C19orf18: variants seen among roughly 807,000 people sequenced by gnomAD.
The protein encoded by C19orf18 is uncharacterized protein C19orf18.
C19orf18 carries 21 observed loss-of-function variants against 23.3 expected under a neutral mutation model. The observed-to-expected ratio is 0.90, with a 90% CI of 0.64 to 1.30. C19orf18 has a LOEUF of 1.30. C19orf18 is among the 50% of genes most tolerant of loss of function. C19orf18 has a pLI of 0.00. For missense variants in C19orf18, 249 were observed against 259.6 expected (o/e 0.96, Z 0.28); for synonymous variants, 96 against 95.2 (o/e 1.01, Z -0.05).
Position 57,966,532 on chromosome 19 carries a change from T to A in C19orf18, c.369A>T (p.Ile123=). The change falls in exon 4 of 6, where the codon ATA becomes ATT. Residue 123 remains isoleucine, a splice_region_variant and synonymous_variant. Transcript: ENST00000314391. ...GATATTACTTAGCAGATACTTACTA[T>A]ATCATATAGGAGATTGCCATCCCAC... ...LICGMAISYM[I]YRLAQAEERQ... is the part of the protein sequence containing the mutation. 1 of 1,580,986 alleles carries A rather than the reference T, an allele frequency of 6.3e-7. No individual in the cohort carries two copies. Among genetic ancestry groups the A allele is most frequent in the Non-Finnish European group, 8.7e-7 (1 of 1,151,360 alleles).
chr19:57,963,398 G>A (rs1376374349), intron 4 of C19orf18, among the ~76,000 whole-genome samples: 1 of 152,036 alleles, frequency 6.6e-6, no homozygotes, highest in Non-Finnish European at 1.5e-5. Context: ...CAAATATCAA[G>A]ATTGTAAACA....
chr19:57,972,512 G>C lies in C19orf18; in HGVS notation c.227-8C>G. ...GGTTCGTAGGGGATGCAGCTAAAAG[G>C]CCATCAAAGGGGATCAAAAAGAAGA... is the stretch of plus-strand genomic sequence containing the variant. On this transcript the variant is annotated splice_region_variant and splice_polypyrimidine_tract_variant and intron_variant, in intron 2 of 5. Coordinates refer to ENST00000314391, the MANE Select transcript of C19orf18 (RefSeq NM_152474.5). 6.2e-7 allele frequency: 1 copy of C among 1,613,858 alleles called. No homozygotes were observed. The highest frequency in any genetic ancestry group is 1.7e-5 in the Admixed American group (1 of 59,988).
chr19:57,972,665 G>A (rs1160659042), intron 2 of C19orf18, among the ~76,000 whole-genome samples, 161 bp from the exon 3 acceptor site: 1 of 152,198 alleles, frequency 6.6e-6, no homozygotes, highest in African/African-American at 2.4e-5. Context: ...CCAATGCCTG[G>A]CAGCAATGTG....
chr19:57,959,457 TCTACTAAAAATACAAAAATAAG>T (rs1162425737), intron 5 of C19orf18, among the ~76,000 whole-genome samples: 2 of 149,278 alleles, frequency 1.3e-5, no homozygotes, highest in African/African-American at 4.9e-5. Context: ...ACCCCCCATC[TCTACTAAAAATACAAAAATAAG>T]ACAGGCGTGG....
chr19:57,962,292 C>T (rs1245162078), intron 4 of C19orf18, among the ~76,000 whole-genome samples: 2 of 152,048 alleles, frequency 1.3e-5, no homozygotes, highest in Non-Finnish European at 2.9e-5. Context: ...CCTCCTTGGC[C>T]TCCCAAAACA....
intron 4 of C19orf18, among the ~76,000 whole-genome samples, chr19:57,965,631 C>T (rs2072902470): frequency 6.6e-6 from 1 of 152,076 alleles, no homozygotes; most frequent in Non-Finnish European, 1.5e-5. Flanking sequence ...TGCAGTAATC[C>T]CAGCTACTTG....
chr19:57,970,678 T>A (rs1322666608), intron 3 of C19orf18, among the ~76,000 whole-genome samples: 1 of 151,812 alleles, frequency 6.6e-6, no homozygotes, highest in African/African-American at 2.4e-5. Context: ...CCTCCCGGGT[T>A]CTCCTACCTC....
At chr19:57,962,916 G>C (rs940940359) in intron 4 of C19orf18, among the ~76,000 whole-genome samples, 13 of 151,928 alleles carry the variant, frequency 8.6e-5, no homozygotes, top group Admixed American at 6.6e-5. Context: ...TTGCTCAAAA[G>C]GCTGGGACAG....
At chr19:57,960,695 G>A (rs1181780792) in intron 5 of C19orf18, among the ~76,000 whole-genome samples, 3 of 152,134 alleles carry the variant, frequency 2.0e-5, no homozygotes, top group Non-Finnish European at 4.4e-5. Context: ...CATGTTTTGT[G>A]CTGGGAAAAG....
chr19:57,970,184 G>T (rs1032110888), intron 3 of C19orf18, among the ~76,000 whole-genome samples: 5 of 152,220 alleles, frequency 3.3e-5, no homozygotes, highest in Non-Finnish European at 5.9e-5. Flanking sequence ...CAAGGATGCA[G>T]TGGCAACTTC....
rs1166485243 is a variant in C19orf18, at chr19:57,958,718, C to T, written c.533-1G>A. 6.8e-7 allele frequency: 1 copy of T among 1,466,944 alleles called. No individual in the cohort carries two copies. Among genetic ancestry groups the T allele is most frequent in the East Asian group, 2.3e-5 (1 of 43,362 alleles). The allele number at this position is 1,466,944 out of a possible 1,614,324, so 90.9% of individuals were successfully genotyped here. ...TTTTTGCTTCTTTTTGATATAATAA[C>T]TAAAATGTAGAAATGATGTTATTGA... On this transcript the variant is annotated splice_acceptor_variant, in intron 5 of 5. Coordinates refer to ENST00000314391, the MANE Select transcript of C19orf18 (RefSeq NM_152474.5). LOFTEE classifies it high-confidence loss of function.
At position 57,966,602 on chromosome 19, in the gene C19orf18, T is replaced by C; in HGVS notation, c.299A>G (p.Lys100Arg). The stretch of plus-strand genomic sequence containing the variant: ...GGCTACGCTCGAAATTAAAATTACT[T>C]TAACAAGAGCAGGTCTATGCCGAAT... ...AIIRHRPALV[K>R]VILISSVAFS... Residue 100 changes from lysine to arginine, a missense_variant, in exon 4 of 6, where the codon AAA (lysine) becomes AGA (arginine). Lys to Arg is a conservative substitution (Grantham distance 26). Transcript: ENST00000314391. The C allele has an allele frequency of 3.7e-6, 6 of 1,613,222 alleles. No individual in the cohort carries two copies. In the South Asian group the frequency reaches 6.6e-5, roughly 18 times the overall value.
At chr19:57,968,341 G>A (rs1387022556) in intron 3 of C19orf18, among the ~76,000 whole-genome samples, 1 of 152,184 alleles carries the variant, frequency 6.6e-6, no homozygotes, top group Non-Finnish European at 1.5e-5. Flanking sequence ...GGGGACACCA[G>A]CATTCAGACC....
intron 4 of C19orf18, among the ~76,000 whole-genome samples, chr19:57,966,111 G>A (rs1238759030): frequency 6.6e-6 from 1 of 151,690 alleles, no homozygotes; most frequent in African/African-American, 2.4e-5. Flanking sequence ...CCGAGGAGCC[G>A]GGACTACAGG....
chr19:57,969,581 A>C (rs1443834208), intron 3 of C19orf18, among the ~76,000 whole-genome samples: 9 of 148,118 alleles, frequency 6.1e-5, no homozygotes, highest in Non-Finnish European at 1.0e-4. Context: ...AAAAAAAAAA[A>C]AAAAAAAAAA....
intron 4 of C19orf18, among the ~76,000 whole-genome samples, chr19:57,965,674 G>A (rs1763689272): frequency 1.3e-5 from 2 of 152,102 alleles, no homozygotes; most frequent in South Asian, 4.1e-4. Flanking sequence ...CTTGAACCCA[G>A]GAGGCAGAGG....
chr19:57,974,204 C>T lies in C19orf18; in HGVS notation c.122-1G>A. The stretch of plus-strand genomic sequence containing the variant: ...CTGGGTGGTTGTGACCGTTTACTGC[C>T]TTGAAAAGAAAACTTTTTGCGGTGA... On this transcript the variant is annotated splice_acceptor_variant, in intron 1 of 5. Transcript: ENST00000314391. LOFTEE classifies it high-confidence loss of function. The T allele has an allele frequency of 6.2e-7, 1 of 1,613,786 alleles. No individual in the cohort carries two copies. The highest frequency in any genetic ancestry group is 8.5e-7 in the Non-Finnish European group (1 of 1,179,920).
intron 2 of C19orf18, among the ~76,000 whole-genome samples, chr19:57,973,374 T>G (rs1263911430): frequency 1.3e-5 from 2 of 151,834 alleles, no homozygotes; most frequent in African/African-American, 4.8e-5. Context: ...TTTGCTGTTA[T>G]AAGATAAACA....
At chr19:57,969,505 C>T (rs1393196628) in intron 3 of C19orf18, among the ~76,000 whole-genome samples, 1 of 127,458 alleles carries the variant, frequency 7.8e-6, no homozygotes, top group African/African-American at 2.9e-5. Flanking sequence ...CAGTGAGCCG[C>T]GATGGCGCCA....
Sources: allele counts gnomAD v4.1 joint callset (sites outside exome capture counted in the v4.1 genomes callset), GRCh38; gene constraint gnomAD v4.1.1; transcripts MANE v1.5; gene names NCBI Gene and HGNC (gene_info 2026-07-23, HGNC 2026-07-21).